The following NEK7 variants were observed in gnomAD, a reference collection of about 807,000 sequenced individuals.
NEK7 encodes serine/threonine-protein kinase Nek7.
In NEK7, 18 loss-of-function variants were observed where a neutral mutation model predicts 44.6. The ratio of observed to expected loss-of-function variants is 0.40; its 90% CI spans 0.28 to 0.60. The LOEUF (loss-of-function observed/expected upper bound fraction) is 0.60, where lower values mean the gene tolerates loss of function less well. NEK7 is among the 20% of genes least tolerant of loss of function. The pLI, the probability that NEK7 is intolerant of heterozygous loss-of-function variation, is 0.38. For synonymous variants in NEK7, 130 were observed against 121.1 expected (o/e 1.07, Z -0.48); for missense variants, 256 against 366.5 (o/e 0.70, Z 2.46).
chr1:198,303,040 G>A (rs1654934731), intron 9 of NEK7, among the ~76,000 whole-genome samples: 1 of 152,084 alleles, frequency 6.6e-6, no homozygotes, highest in South Asian at 2.1e-4. Flanking sequence ...TTCCCTAGAA[G>A]CATAGCAGGT....
At chr1:198,167,436 A>G (rs1664301035) in intron 1 of NEK7, among the ~76,000 whole-genome samples, 1 of 152,196 alleles carries the variant, frequency 6.6e-6, no homozygotes, top group South Asian at 2.1e-4. Flanking sequence ...CTTATATGAT[A>G]TGCACTCATT....
rs57962708 is a variant in NEK7 at position 198,209,037 on chromosome 1, GTA to G, written c.-28-23495_-28-23494del. 3.9e-3 allele frequency among the ~76,000 whole-genome samples: 562 copies of G among 145,246 alleles called. 2 individuals are homozygous for G. The highest frequency in any genetic ancestry group is 0.018 in the Middle Eastern group (5 of 276). On this transcript the variant is annotated intron_variant, in intron 1 of 9. Transcript: ENST00000367385. ...TGCATTAAAGCATATATGTGTGTGTGTATATATATATATATATATATACACAC... is the reference window on the plus strand; with the variant it reads ...TGCATTAAAGCATATATGTGTGTGTGTATATATATATATATATATACACAC...
At chr1:198,253,549 C>T (rs1653152883) in intron 3 of NEK7, among the ~76,000 whole-genome samples, 1 of 152,018 alleles carries the variant, frequency 6.6e-6, no homozygotes, top group Non-Finnish European at 1.5e-5. Flanking sequence ...ACAAAATGTA[C>T]TGCCCGAAGT....
At position 198,314,717 on chromosome 1, in the gene NEK7, A is replaced by T. The variant is rs147604771; in HGVS notation, c.799-4695A>T. Among the ~76,000 whole-genome samples the T allele has an allele frequency of 5.5e-3, 840 of 152,244 alleles. 3 individuals carry two copies. Among genetic ancestry groups the T allele is most frequent in the African/African-American group, 0.011 (463 of 41,552 alleles). ...GTGTGAGGTGTCAGTATGCCCCTGC[A>T]GGGGGGTGCCTCCCAGTTAGGCTGC... On this transcript the variant is annotated intron_variant, in intron 9 of 9. Transcript: ENST00000367385.
At chr1:198,307,615 C>T (rs1270589347) in intron 9 of NEK7, among the ~76,000 whole-genome samples, 1 of 152,102 alleles carries the variant, frequency 6.6e-6, no homozygotes, top group African/African-American at 2.4e-5. Context: ...TAAGGGAAAA[C>T]AAACAACATG....
intron 1 of NEK7, among the ~76,000 whole-genome samples, chr1:198,188,466 G>C (rs953855831): frequency 2.0e-5 from 3 of 152,226 alleles, no homozygotes; most frequent in South Asian, 2.1e-4. Context: ...CAGCTGAGGA[G>C]CCCAGAACTA....
At chr1:198,213,546 T>G (rs1192715864) in intron 1 of NEK7, among the ~76,000 whole-genome samples, 1 of 152,220 alleles carries the variant, frequency 6.6e-6, no homozygotes, top group East Asian at 1.9e-4. Flanking sequence ...GGAGGAGCAC[T>G]CTCCTCGTTC....
At chr1:198,219,204 G>T (rs546018327) in intron 1 of NEK7, among the ~76,000 whole-genome samples, 4 of 150,866 alleles carry the variant, frequency 2.7e-5, no homozygotes, top group African/African-American at 7.3e-5. Flanking sequence ...ATTGGTGTGT[G>T]TGTGTATATA....
intron 1 of NEK7, among the ~76,000 whole-genome samples, chr1:198,232,103 G>A (rs1310460068): frequency 6.6e-6 from 1 of 152,060 alleles, no homozygotes; most frequent in Non-Finnish European, 1.5e-5. Flanking sequence ...GGCCTTTTAA[G>A]TTTAAATTTA....
In NEK7 at chr1:198,297,257, C is replaced by T; in HGVS notation, c.798+17C>T. 1 of 1,610,256 alleles carries T rather than the reference C, an allele frequency of 6.2e-7. No individual in the cohort carries two copies. Among genetic ancestry groups the T allele is most frequent in the Non-Finnish European group, 8.5e-7 (1 of 1,178,726 alleles). On this transcript the variant is annotated intron_variant, in intron 9 of 9. Coordinates refer to ENST00000367385, the MANE Select transcript of NEK7 (RefSeq NM_133494.3). ...TCAGAAGAAGTAAGTCATTTTCAGC[C>T]CACATGTTCTTCTGTTGTCCATTTT... is the stretch of plus-strand genomic sequence containing the variant.
At chr1:198,252,989 A>G in intron 2 of NEK7, 51 bp from the exon 3 acceptor site, 1 of 1,476,512 alleles carries the variant, frequency 6.8e-7, no homozygotes, top group Non-Finnish European at 9.3e-7. Flanking sequence ...GATTGTGTGT[A>G]TTGCGTGTAT....
At chr1:198,195,915 A>T (rs1381713618) in intron 1 of NEK7, among the ~76,000 whole-genome samples, 1 of 152,234 alleles carries the variant, frequency 6.6e-6, no homozygotes, top group East Asian at 1.9e-4. Context: ...ATCTGTATTT[A>T]AGGAAGATAA....
chr1:198,312,486 G>C (rs1034906048), intron 9 of NEK7, among the ~76,000 whole-genome samples: 34 of 152,154 alleles, frequency 2.2e-4, no homozygotes, highest in African/African-American at 8.2e-4. Flanking sequence ...GCTAGCTTTT[G>C]AATGTGTTTG....
At chr1:198,159,099 C>T (rs904401931) in intron 1 of NEK7, among the ~76,000 whole-genome samples, 4 of 152,170 alleles carry the variant, frequency 2.6e-5, no homozygotes, top group African/African-American at 9.6e-5. Flanking sequence ...GAGGTGCGGG[C>T]CTGAAATTCC....
intron 1 of NEK7, among the ~76,000 whole-genome samples, chr1:198,175,350 G>C (rs1287752617): frequency 6.6e-6 from 1 of 152,058 alleles, no homozygotes; most frequent in Non-Finnish European, 1.5e-5. Flanking sequence ...ACTTGTTACA[G>C]ACCAAAGGCT....
At chr1:198,178,204 T>A (rs1448755869) in intron 1 of NEK7, among the ~76,000 whole-genome samples, 1 of 151,822 alleles carries the variant, frequency 6.6e-6, no homozygotes, top group Non-Finnish European at 1.5e-5. Flanking sequence ...ATGAAGAAAA[T>A]CACTAAATAA....
At chr1:198,282,031 C>G (rs1423395540) in intron 7 of NEK7, among the ~76,000 whole-genome samples, 1 of 152,022 alleles carries the variant, frequency 6.6e-6, no homozygotes, top group African/African-American at 2.4e-5. Context: ...ATGTTCAGAT[C>G]TTCAAAACAG....
At chr1:198,305,026 G>A (rs1181108016) in intron 9 of NEK7, among the ~76,000 whole-genome samples, 1 of 152,026 alleles carries the variant, frequency 6.6e-6, no homozygotes, top group African/African-American at 2.4e-5. Flanking sequence ...TTTTATAAAA[G>A]CAACAAAGTA....
intron 1 of NEK7, among the ~76,000 whole-genome samples, chr1:198,205,796 AT>A (rs1405062488): frequency 6.6e-6 from 1 of 152,154 alleles, no homozygotes; most frequent in Non-Finnish European, 1.5e-5. Context: ...GTAAGAGCGA[AT>A]AAAAAGATAA....
Sources: gnomAD v4.1 joint callset for allele counts (sites outside exome capture counted in the v4.1 genomes callset) on GRCh38, gnomAD v4.1.1 for gene constraint, MANE v1.5 for transcripts, NCBI Gene and HGNC (gene_info 2026-07-23, HGNC 2026-07-21) for gene names.